SH3BGRL2: variants seen among roughly 807,000 people sequenced by gnomAD.
SH3BGRL2 encodes the protein SH3 domain-binding glutamic acid-rich-like protein 2.
SH3BGRL2 carries 21 observed loss-of-function variants against 14.8 expected under a neutral mutation model. The ratio of observed to expected loss-of-function variants is 1.42; its 90% CI spans 1.01 to 2.05. The LOEUF (loss-of-function observed/expected upper bound fraction) is 2.05. SH3BGRL2 is among the 30% of genes most tolerant of loss of function. SH3BGRL2 has a pLI of 0.00. For synonymous variants in SH3BGRL2, 50 were observed against 47.8 expected (o/e 1.05, Z -0.19); for missense variants, 147 against 130.8 (o/e 1.12, Z -0.61).
At chr6:79,663,082 A>G (rs1327468117) in intron 1 of SH3BGRL2, among the ~76,000 whole-genome samples, 2 of 152,114 alleles carry the variant, frequency 1.3e-5, no homozygotes, top group Non-Finnish European at 2.9e-5. Flanking sequence ...TTCCTTGCGA[A>G]GGGTTAGAAG....
the SH3BGRL2 span, among the ~76,000 whole-genome samples, chr6:79,595,957 A>T: frequency 6.6e-6 from 1 of 152,366 alleles, no homozygotes; most frequent in African/African-American, 2.4e-5. Context: ...TAGAACTAAT[A>T]ATAAGTGAGT....
At chr6:79,633,014 G>A (rs768029259) in intron 1 of SH3BGRL2, among the ~76,000 whole-genome samples, 1 of 152,174 alleles carries the variant, frequency 6.6e-6, no homozygotes, top group Non-Finnish European at 1.5e-5. Flanking sequence ...GGAGCAAGTC[G>A]GACCAAGTCA....
At chr6:79,639,328 C>G (rs1768986540) in intron 1 of SH3BGRL2, among the ~76,000 whole-genome samples, 1 of 152,112 alleles carries the variant, frequency 6.6e-6, no homozygotes, top group South Asian at 2.1e-4. Flanking sequence ...GTGGCTCATG[C>G]CTATAATCTT....
the SH3BGRL2 span, among the ~76,000 whole-genome samples, chr6:79,588,289 T>TAAAA: frequency 6.9e-4 from 85 of 124,002 alleles, 3 homozygotes; most frequent in East Asian, 1.6e-3. Context: ...AGACTCTGTC[T>TAAAA]AAAAAAAAAA....
chr6:79,553,719 C>T, the SH3BGRL2 span, among the ~76,000 whole-genome samples: 1 of 152,188 alleles, frequency 6.6e-6, no homozygotes, highest in South Asian at 2.1e-4. Context: ...CGCCTGTAAT[C>T]CTAGCACTTG....
At chr6:79,621,775 A>G in the SH3BGRL2 span, among the ~76,000 whole-genome samples, 2 of 152,192 alleles carry the variant, frequency 1.3e-5, no homozygotes, top group Non-Finnish European at 2.9e-5. Flanking sequence ...ACACTTTCTA[A>G]GCCTCCTTTG....
intron 1 of SH3BGRL2, among the ~76,000 whole-genome samples, chr6:79,666,335 TC>T (rs1157592799): frequency 2.6e-5 from 4 of 152,148 alleles, no homozygotes; most frequent in African/African-American, 9.7e-5. Flanking sequence ...TCTGTCGGCT[TC>T]AGCAGAAAAG....
the SH3BGRL2 span, among the ~76,000 whole-genome samples, chr6:79,592,919 T>C: frequency 6.6e-6 from 1 of 152,214 alleles, no homozygotes. Context: ...TGTCTAGGTC[T>C]AGACCACTCT....
intron 1 of SH3BGRL2, among the ~76,000 whole-genome samples, chr6:79,650,070 T>C (rs72905738): frequency 0.079 from 11,917 of 151,474 alleles, 607 homozygotes; most frequent in Non-Finnish European, 0.11. Flanking sequence ...GGAGTCAAGA[T>C]GGAATGGAGA....
the SH3BGRL2 span, among the ~76,000 whole-genome samples, chr6:79,621,560 C>T: frequency 7.2e-5 from 11 of 152,290 alleles, no homozygotes; most frequent in East Asian, 7.7e-4. Flanking sequence ...TATGGTATTT[C>T]GTTATACCAG....
At chr6:79,633,253 CA>C (rs1479099460) in intron 1 of SH3BGRL2, among the ~76,000 whole-genome samples, 3 of 152,146 alleles carry the variant, frequency 2.0e-5, no homozygotes, top group Admixed American at 1.3e-4. Flanking sequence ...TAAGGTACCT[CA>C]TCTCTGCCTG....
the SH3BGRL2 span, among the ~76,000 whole-genome samples, chr6:79,594,042 C>G: frequency 6.7e-6 from 1 of 150,020 alleles, no homozygotes; most frequent in Non-Finnish European, 1.5e-5. Flanking sequence ...AAAAAAAACC[C>G]AAAAACTTCA....
chr6:79,645,864 G>A (rs1276746430), intron 1 of SH3BGRL2, among the ~76,000 whole-genome samples: 1 of 152,154 alleles, frequency 6.6e-6, no homozygotes, highest in Non-Finnish European at 1.5e-5. Context: ...TATTTGCTAT[G>A]TGCTTGGTGC....
intron 1 of SH3BGRL2, among the ~76,000 whole-genome samples, chr6:79,656,924 A>G (rs893583503): frequency 4.6e-5 from 7 of 152,188 alleles, no homozygotes; most frequent in Admixed American, 6.5e-5. Flanking sequence ...AAAATAAAGA[A>G]CATACATGAG....
intron 1 of SH3BGRL2, among the ~76,000 whole-genome samples, chr6:79,645,032 C>T (rs369062192): frequency 6.6e-6 from 1 of 151,496 alleles, no homozygotes; most frequent in African/African-American, 2.4e-5. Context: ...TGCTGGCAGT[C>T]GCCTGTAATC....
At chr6:79,655,459 A>AAACTATTT (rs1769387444) in intron 1 of SH3BGRL2, among the ~76,000 whole-genome samples, 1 of 152,054 alleles carries the variant, frequency 6.6e-6, no homozygotes, top group Non-Finnish European at 1.5e-5. Context: ...CATACCATTT[A>AAACTATTT]AACTATTTAA....
At chr6:79,685,609 A>G (rs2127736847) in intron 2 of SH3BGRL2, among the ~76,000 whole-genome samples, 1 of 152,212 alleles carries the variant, frequency 6.6e-6, no homozygotes, top group East Asian at 1.9e-4. Context: ...GAATACACAT[A>G]CACACATGAA....
At chr6:79,547,590 G>A in the SH3BGRL2 span, among the ~76,000 whole-genome samples, 7 of 152,122 alleles carry the variant, frequency 4.6e-5, no homozygotes, top group Admixed American at 6.5e-5. Context: ...GCCAGAGACT[G>A]CTCCCCAACA....
intron 1 of SH3BGRL2, among the ~76,000 whole-genome samples, chr6:79,664,225 C>T (rs1056816365): frequency 3.3e-5 from 5 of 152,206 alleles, no homozygotes; most frequent in Non-Finnish European, 7.3e-5. Flanking sequence ...GTTGGAAATG[C>T]AGAAATCACC....
Sources: allele counts gnomAD v4.1 joint callset (sites outside exome capture counted in the v4.1 genomes callset), GRCh38; gene constraint gnomAD v4.1.1; transcripts MANE v1.5; gene names NCBI Gene and HGNC (gene_info 2026-07-23, HGNC 2026-07-21).